Variants in GRIK5 observed in about 807,000 individuals in gnomAD.
GRIK5 encodes glutamate ionotropic receptor kainate type subunit 5, also known as glutamate receptor ionotropic, kainate 5.
GRIK5 carries 43 observed loss-of-function variants against 97.4 expected under a neutral mutation model. The ratio of observed to expected loss-of-function variants is 0.44; its 90% CI spans 0.35 to 0.57. The LOEUF is 0.57. Ranked by LOEUF, GRIK5 falls within the 20% of genes least tolerant of loss-of-function variation. The pLI is 0.01. For missense variants in GRIK5, 1,015 were observed against 1,382.0 expected (o/e 0.73, Z 4.21); for synonymous variants, 580 against 583.5 (o/e 0.99, Z 0.09).
intron 1 of GRIK5, among the ~76,000 whole-genome samples, chr19:42,068,118 A>G (rs2076364679): frequency 6.6e-6 from 1 of 152,144 alleles, no homozygotes; most frequent in East Asian, 1.9e-4. Flanking sequence ...GAGCTGCACG[A>G]CAGGCCCATA....
At chr19:42,052,024 C>T (rs896306996) in intron 11 of GRIK5, among the ~76,000 whole-genome samples, 6 of 152,092 alleles carry the variant, frequency 3.9e-5, no homozygotes, top group African/African-American at 1.2e-4. Flanking sequence ...AGACTGGGAC[C>T]GCCTCCCAGT....
chr19:42,009,767 C>CAAAAAA (rs1171061442), intron 15 of GRIK5, among the ~76,000 whole-genome samples: 1 of 63,202 alleles, frequency 1.6e-5, no homozygotes, highest in South Asian at 4.6e-4. Context: ...GACTTTGTCT[C>CAAAAAA]AAAAAAAAAA....
Position 42,020,099 on chromosome 19 carries a change from T to G in GRIK5, c.1871+1202A>C, listed in dbSNP as rs113328142. On this transcript the variant is annotated intron_variant, in intron 15 of 19. Transcript: ENST00000593562. ...AACATCCCAGGCTCAAACAATCCTC[T>G]ACAGGGTTATAATTTGAAATGATAC... Among the ~76,000 whole-genome samples, 362 of 151,358 alleles carry G rather than the reference T, an allele frequency of 2.4e-3. 5 individuals are homozygous for G. Among genetic ancestry groups the G allele is most frequent in the African/African-American group, 8.2e-3 (340 of 41,300 alleles).
rs572252059 is a variant in GRIK5 at position 42,068,032 on chromosome 19, A to C, written c.-51+1209T>G. Among the ~76,000 whole-genome samples, 5 of 152,344 alleles carry C rather than the reference A, an allele frequency of 3.3e-5. No individual in the cohort carries two copies. The East Asian group carries it at 7.7e-4, about 24-fold the overall frequency. On this transcript the variant is annotated intron_variant, in intron 1 of 19. Coordinates refer to ENST00000593562, the MANE Select transcript of GRIK5 (RefSeq NM_002088.5). Reference sequence around the variant, plus strand: ...GAGATAAAGAAACAGCAGCAGGTACAAGACTTGGGAGAAGGAAAGAAATGG... The same window carrying C: ...GAGATAAAGAAACAGCAGCAGGTACCAGACTTGGGAGAAGGAAAGAAATGG...
chr19:42,003,304 T>TTG lies in GRIK5; in HGVS notation c.2514+27_2514+28insCA. 16 of 1,578,328 alleles carry TTG rather than the reference T, an allele frequency of 1.0e-5. No homozygotes were observed. Among genetic ancestry groups the TTG allele is most frequent in the African/African-American group, 1.3e-5 (1 of 74,378 alleles). ...CTCAGCCCCTGGGGGTCCCTGTTCCTGCCCACCCCCACCCCCAGCCTCCTC... is the reference window on the plus strand; with the variant it reads ...CTCAGCCCCTGGGGGTCCCTGTTCCTTGGCCCACCCCCACCCCCAGCCTCCTC... On this transcript the variant is annotated intron_variant, in intron 19 of 19. Coordinates refer to ENST00000593562, the MANE Select transcript of GRIK5 (RefSeq NM_002088.5). The surrounding 1 kb of genome is among the most constrained non-coding windows in gnomAD (Gnocchi z 4.2).
At chr19:42,020,559 T>G (rs1190559673) in intron 15 of GRIK5, among the ~76,000 whole-genome samples, 1 of 152,162 alleles carries the variant, frequency 6.6e-6, no homozygotes, top group East Asian at 1.9e-4. Context: ...TAAGGCATTC[T>G]AAGTCACAGG....
In GRIK5 at chr19:41,998,335, T is replaced by G. The variant is rs1241474358; in HGVS notation, c.*536A>C. 6.6e-6 allele frequency: 1 copy of G among 152,608 alleles called. No individual in the cohort carries two copies. The highest frequency in any genetic ancestry group is 1.5e-5 in the Non-Finnish European group (1 of 68,032). 9.5% of individuals were successfully genotyped at this position (152,608 alleles called of 1,614,324 possible). ...GGTATCCCCAGTTCTGGGGTTTTGT[T>G]CTTTTTTTTATTCCAACAGGGGCTG... On this transcript the variant is annotated 3_prime_UTR_variant, in exon 20 of 20. Transcript: ENST00000593562.
At chr19:42,053,568 C>A in intron 11 of GRIK5, 34 bp downstream of exon 11, 1 of 1,271,444 alleles carries the variant, frequency 7.9e-7, no homozygotes, top group Non-Finnish European at 1.2e-6. Context: ...CTCAGGGCAG[C>A]GCCACTCCCA....
chr19:42,055,483 A>AAAC (rs2076171384), intron 8 of GRIK5, among the ~76,000 whole-genome samples: 2 of 152,174 alleles, frequency 1.3e-5, no homozygotes, highest in Admixed American at 6.5e-5. Context: ...ACCTGTTATG[A>AAAC]GCTAGGCTGT....
Position 42,042,512 on chromosome 19 carries a change from C to G in GRIK5, c.1473+40G>C. 1 of 1,554,530 alleles carries G rather than the reference C, an allele frequency of 6.4e-7. No homozygotes were observed. Among genetic ancestry groups the G allele is most frequent in the South Asian group, 1.1e-5 (1 of 89,094 alleles). ...CCAGCTGCCCGCCCTCCCTCACTCG[C>G]CGGGTCCATGCATCTTTCCCGGCCC... On this transcript the variant is annotated intron_variant, in intron 12 of 19. Transcript: ENST00000593562. The surrounding 1 kb of genome is among the most constrained non-coding windows in gnomAD (Gnocchi z 6.9).
chr19:42,004,701 C>T (rs576075658), intron 17 of GRIK5, among the ~76,000 whole-genome samples: 3 of 152,292 alleles, frequency 2.0e-5, no homozygotes, highest in East Asian at 3.9e-4. Context: ...TGTTCACTGC[C>T]ACCTCCACTT....
chr19:42,009,241 T>G (rs912934817), intron 15 of GRIK5, among the ~76,000 whole-genome samples: 4 of 151,868 alleles, frequency 2.6e-5, no homozygotes, highest in Non-Finnish European at 5.9e-5. Context: ...TTTATTTTAT[T>G]TATTTATTTA....
intron 11 of GRIK5, among the ~76,000 whole-genome samples, chr19:42,045,744 C>T (rs945764235): frequency 2.6e-5 from 4 of 152,168 alleles, no homozygotes; most frequent in Admixed American, 2.6e-4. Context: ...GCGGCAGCAG[C>T]CAGCATTTCT....
intron 12 of GRIK5, among the ~76,000 whole-genome samples, chr19:42,027,798 A>G (rs547226326): frequency 9.9e-4 from 150 of 152,034 alleles, no homozygotes; most frequent in African/African-American, 3.1e-3. Flanking sequence ...CCCTCCTCCT[A>G]CTCACTTTTC....
chr19:42,048,675 G>C (rs1386881447), intron 11 of GRIK5, among the ~76,000 whole-genome samples: 1 of 151,758 alleles, frequency 6.6e-6, no homozygotes, highest in East Asian at 1.9e-4. Context: ...TCAATAAAAA[G>C]TCACATATCC....
chr19:42,011,318 C>T (rs1195565924), intron 15 of GRIK5, among the ~76,000 whole-genome samples: 4 of 151,602 alleles, frequency 2.6e-5, no homozygotes, highest in African/African-American at 7.3e-5. Flanking sequence ...TTTGGGAGGC[C>T]GAGGCAGGAG....
At chr19:42,064,499 T>G (rs1470054418) in intron 3 of GRIK5, among the ~76,000 whole-genome samples, 1 of 151,954 alleles carries the variant, frequency 6.6e-6, no homozygotes, top group African/African-American at 2.4e-5. Flanking sequence ...TCTAGGCACA[T>G]GACTGGAATG....
Position 42,003,958 on chromosome 19 carries a change from C to T in GRIK5, c.2264-275G>A, listed in dbSNP as rs2075456395. On this transcript the variant is annotated intron_variant, in intron 17 of 19. Transcript: ENST00000593562. The surrounding 1 kb of genome is among the most constrained non-coding windows in gnomAD (Gnocchi z 4.2). The stretch of plus-strand genomic sequence containing the variant: ...CTCCCCTCGGCCACTCTCAGACACC[C>T]TCACCCCCACGGCTCTCAGCTCCAG... 6.6e-6 allele frequency among the ~76,000 whole-genome samples: 1 copy of T among 152,188 alleles called. No homozygotes were observed. The highest frequency in any genetic ancestry group is 2.1e-4 in the South Asian group (1 of 4,828).
At chr19:42,031,513 C>A (rs1192896327) in intron 12 of GRIK5, among the ~76,000 whole-genome samples, 3 of 152,130 alleles carry the variant, frequency 2.0e-5, no homozygotes, top group African/African-American at 7.2e-5. Context: ...CCCATCAGGC[C>A]CCTTCTGAGT....
Sources: gnomAD v4.1 joint callset for allele counts (sites outside exome capture counted in the v4.1 genomes callset) on GRCh38, gnomAD v4.1.1 for gene constraint, Gnocchi (gnomAD v3.1) non-coding constraint, MANE v1.5 for transcripts, NCBI Gene and HGNC (gene_info 2026-07-23, HGNC 2026-07-21) for gene names.